MEGF6: variants seen among roughly 807,000 people sequenced by gnomAD.
MEGF6 encodes the protein multiple EGF like domains 6.
A neutral mutation model predicts 207.1 loss-of-function variants in MEGF6; 184 were observed. The ratio of observed to expected loss-of-function variants is 0.89; its 90% CI spans 0.79 to 1.00. The LOEUF (loss-of-function observed/expected upper bound fraction) is 1.00, where lower values mean the gene tolerates loss of function less well. Among genes scored for constraint, MEGF6 ranks in the 50% least tolerant of loss-of-function variants. The pLI is 0.00. For missense variants in MEGF6, 2,282 were observed against 2,202.9 expected, an observed-to-expected ratio of 1.04 and a Z score of -0.72; for synonymous variants, 1,038 against 910.0, an observed-to-expected ratio of 1.14 and a Z score of -2.53.
At position 3,506,200 on chromosome 1, in the gene MEGF6, T is replaced by C. The variant is rs757230304; in HGVS notation, c.1826A>G (p.Lys609Arg). The change falls in exon 15 of 37, where the codon AAG becomes AGG. Residue 609 changes from lysine (K) to arginine (R), a missense_variant. Physicochemically the swap from Lys to Arg is conservative, Grantham distance 26. Coordinates refer to ENST00000356575, the MANE Select transcript of MEGF6 (RefSeq NM_001409.4). ...PKGYYGKHCR[K>R]KCNCANRGRC... ...GCCCCGGTTGGCACAGTTGCATTTCTTGCGACAGTGCTTGCCATAGTAGCC... is the reference window on the plus strand; with the variant it reads ...GCCCCGGTTGGCACAGTTGCATTTCCTGCGACAGTGCTTGCCATAGTAGCC... 2 of 1,606,314 alleles carry C rather than the reference T, an allele frequency of 1.2e-6. No individual in the cohort carries two copies. The highest frequency in any genetic ancestry group is 1.1e-5 in the South Asian group (1 of 89,946).
chr1:3,492,601 T>C (rs779128903), intron 35 of MEGF6, 38 bp downstream of exon 35: 8 of 1,595,502 alleles, frequency 5.0e-6, no homozygotes, highest in Non-Finnish European at 6.9e-6. Context: ...GATTGGGGGA[T>C]GGTGCCTTCC....
intron 25 of MEGF6, 99 bp downstream of exon 25, chr1:3,498,599 C>T: frequency 6.7e-7 from 1 of 1,483,738 alleles, no homozygotes; most frequent in Non-Finnish European, 9.0e-7. Flanking sequence ...GCCTACACCC[C>T]AGGGCGCTGC....
rs777784872 is a variant in MEGF6, at chr1:3,515,531, G to C, written c.605-4C>G. 9.3e-6 allele frequency: 15 copies of C among 1,610,892 alleles called. No homozygotes were observed. In the East Asian group the frequency reaches 2.9e-4, roughly 31 times the overall value. ...CCCAGGGCGCAGGAGTTAATGGCTGGGGACACAGGGAGGACCCCAAGTCAG... is the reference window on the plus strand; with the variant it reads ...CCCAGGGCGCAGGAGTTAATGGCTGCGGACACAGGGAGGACCCCAAGTCAG... On this transcript the variant is annotated splice_region_variant and splice_polypyrimidine_tract_variant and intron_variant, in intron 5 of 36. Coordinates refer to ENST00000356575, the MANE Select transcript of MEGF6 (RefSeq NM_001409.4).
chr1:3,553,766 C>T (rs575018703), intron 4 of MEGF6, among the ~76,000 whole-genome samples: 14 of 152,282 alleles, frequency 9.2e-5, no homozygotes, highest in South Asian at 4.1e-4. Context: ...CGGCAGGCAT[C>T]GGGGGCTTCA....
At chr1:3,563,292 C>T (rs1339625938) in intron 4 of MEGF6, among the ~76,000 whole-genome samples, 1 of 152,218 alleles carries the variant, frequency 6.6e-6, no homozygotes, top group Non-Finnish European at 1.5e-5. Context: ...CTGGGCACTG[C>T]AGGCCCAGAG....
intron 3 of MEGF6, among the ~76,000 whole-genome samples, chr1:3,582,809 C>T (rs1643830771): frequency 1.3e-5 from 2 of 152,150 alleles, no homozygotes; most frequent in Admixed American, 1.3e-4. Flanking sequence ...CTCCCTAACC[C>T]GTCTCCAAAT....
intron 7 of MEGF6, among the ~76,000 whole-genome samples, chr1:3,514,024 G>A (rs529667769): frequency 1.2e-3 from 183 of 152,064 alleles, no homozygotes; most frequent in Non-Finnish European, 2.3e-3. Flanking sequence ...CGAGGCGGGC[G>A]GATCACAAGG....
intron 4 of MEGF6, among the ~76,000 whole-genome samples, chr1:3,561,785 CCTGACTT>C: frequency 6.6e-6 from 1 of 152,256 alleles, no homozygotes; most frequent in East Asian, 1.9e-4. Flanking sequence ...ACTTCGCTCT[CCTGACTT>C]CTGACAGTTT....
intron 4 of MEGF6, among the ~76,000 whole-genome samples, chr1:3,562,814 C>T (rs1221824208): frequency 6.6e-6 from 1 of 152,184 alleles, no homozygotes; most frequent in East Asian, 1.9e-4. Flanking sequence ...CCGCCCCGTC[C>T]AGCACTCAAG....
intron 1 of MEGF6, among the ~76,000 whole-genome samples, chr1:3,610,232 G>A (rs982226039): frequency 6.6e-6 from 1 of 152,210 alleles, no homozygotes; most frequent in Non-Finnish European, 1.5e-5. Context: ...CCAGCTCGAC[G>A]TGGCAGCTTC....
intron 2 of MEGF6, among the ~76,000 whole-genome samples, chr1:3,600,955 T>C (rs1395646788): frequency 6.6e-6 from 1 of 152,128 alleles, no homozygotes; most frequent in Non-Finnish European, 1.5e-5. Flanking sequence ...ATGGCCACCT[T>C]TCGGGAGGGA....
upstream of MEGF6, among the ~76,000 whole-genome samples, chr1:3,611,817 C>T (rs1644332025): frequency 6.6e-6 from 1 of 151,520 alleles, no homozygotes; most frequent in African/African-American, 2.4e-5. Flanking sequence ...CCTTTGCGCT[C>T]CCTGCTCGTC....
intron 4 of MEGF6, among the ~76,000 whole-genome samples, chr1:3,539,783 TCA>T (rs1393262006): frequency 6.6e-6 from 1 of 152,150 alleles, no homozygotes; most frequent in African/African-American, 2.4e-5. Context: ...CATCCACTGG[TCA>T]CCTTCCCAGG....
intron 4 of MEGF6, among the ~76,000 whole-genome samples, chr1:3,567,629 T>C (rs982601535): frequency 1.3e-5 from 2 of 152,182 alleles, no homozygotes; most frequent in African/African-American, 4.8e-5. Flanking sequence ...ACGGCCAGCC[T>C]GGCCTAGCTC....
At chr1:3,527,987 T>C (rs1258491710) in intron 4 of MEGF6, among the ~76,000 whole-genome samples, 1 of 152,218 alleles carries the variant, frequency 6.6e-6, no homozygotes, top group Non-Finnish European at 1.5e-5. Context: ...CAGCACCATC[T>C]GGCAGTGGCA....
intron 4 of MEGF6, among the ~76,000 whole-genome samples, chr1:3,525,133 C>T (rs2101232992): frequency 6.6e-6 from 1 of 152,326 alleles, no homozygotes; most frequent in East Asian, 1.9e-4. Flanking sequence ...CACCCACAGG[C>T]TCCCCGTGCA....
chr1:3,509,157 C>T lies in MEGF6; in HGVS notation c.1446G>A (p.Pro482=), dbSNP rs369394060. The change falls in exon 12 of 37, where the codon CCG becomes CCA. Residue 482 remains proline (P), a synonymous_variant. Transcript: ENST00000356575. The stretch of plus-strand genomic sequence containing the variant: ...CGACGTCGTCATCCTGGAAGAGTTG[C>T]GGCAGCTCGTCCTGGAGCACGGCAA... The part of the protein sequence containing the change: ...PHIAVLQDEL[P]QLFQDDDVGA... 6.6e-5 allele frequency: 104 copies of T among 1,584,990 alleles called. No homozygotes were observed. The East Asian group carries it at 1.0e-3, about 16-fold the overall frequency.
intron 17 of MEGF6, among the ~76,000 whole-genome samples, chr1:3,504,241 G>A (rs969820200): frequency 2.6e-5 from 4 of 152,230 alleles, no homozygotes; most frequent in South Asian, 2.1e-4. Flanking sequence ...CGTCTCTCCC[G>A]GCCAATGGGC....
At chr1:3,558,594 C>T (rs1425796217) in intron 4 of MEGF6, among the ~76,000 whole-genome samples, 1 of 152,170 alleles carries the variant, frequency 6.6e-6, no homozygotes, top group African/African-American at 2.4e-5. Flanking sequence ...TCTAAGCCAA[C>T]TGGGATCAGC....
Sources: allele counts gnomAD v4.1 joint callset (sites outside exome capture counted in the v4.1 genomes callset), GRCh38; gene constraint gnomAD v4.1.1; transcripts MANE v1.5; gene names NCBI Gene and HGNC (gene_info 2026-07-23, HGNC 2026-07-21).